ARHGEF28: variants seen among roughly 807,000 people sequenced by gnomAD.
ARHGEF28 encodes the protein 190 kDa guanine nucleotide exchange factor.
A neutral mutation model predicts 206.6 loss-of-function variants in ARHGEF28; 152 were observed. That is an observed-to-expected ratio of 0.74 (90% CI 0.64 to 0.84). The LOEUF is 0.84. ARHGEF28 is among the 40% of genes least tolerant of loss of function. The probability of loss-of-function intolerance (pLI) is 0.00; values close to 1 mark genes in which losing one functional copy is unlikely to be tolerated. For missense variants in ARHGEF28, 2,028 were observed against 2,073.2 expected (o/e 0.98, Z 0.42); for synonymous variants, 763 against 776.4 (o/e 0.98, Z 0.29).
intron 10 of ARHGEF28, among the ~76,000 whole-genome samples, chr5:73,833,355 C>CT (rs33977905): frequency 6.6e-6 from 1 of 150,834 alleles, no homozygotes; most frequent in Non-Finnish European, 1.5e-5. Context: ...GTGATCTAAA[C>CT]TTTTTTTTTT....
Position 73,749,984 on chromosome 5 carries a change from GGT to G in ARHGEF28, c.181+2_181+3del. On this transcript the variant is annotated splice_donor_variant, in intron 3 of 35. Coordinates refer to ENST00000513042, the MANE Select transcript of ARHGEF28 (RefSeq NM_001177693.2). LOFTEE classifies it high-confidence loss of function. Reference sequence around the variant, plus strand: ...TAACGTTCTCCAGTCCAGCGTCCCAGGTGAGGTGTCCTCTTTGTTGTGCAGCT... The same window carrying G: ...TAACGTTCTCCAGTCCAGCGTCCCAGGAGGTGTCCTCTTTGTTGTGCAGCT... The G allele has an allele frequency of 6.2e-7, 1 of 1,613,714 alleles. No homozygotes were observed. The highest frequency in any genetic ancestry group is 8.5e-7 in the Non-Finnish European group (1 of 1,179,808).
intron 4 of ARHGEF28, among the ~76,000 whole-genome samples, chr5:73,763,988 G>GT (rs11345831): frequency 1.3e-5 from 2 of 152,170 alleles, no homozygotes; most frequent in African/African-American, 2.4e-5. Context: ...GTTTATTGTA[G>GT]TTTTTTTGTA....
chr5:73,678,693 C>T (rs1266990592), intron 1 of ARHGEF28, among the ~76,000 whole-genome samples: 1 of 151,740 alleles, frequency 6.6e-6, no homozygotes, highest in African/African-American at 2.4e-5. Context: ...CCTAATTCTA[C>T]AAAGCCTGAA....
chr5:73,641,483 A>G (rs927508588), intron 1 of ARHGEF28, among the ~76,000 whole-genome samples: 1 of 151,090 alleles, frequency 6.6e-6, no homozygotes, highest in Non-Finnish European at 1.5e-5. Context: ...TAAAAAAATT[A>G]GTTGCTTCTC....
chr5:73,920,154 G>A (rs181467848), intron 35 of ARHGEF28, among the ~76,000 whole-genome samples: 2 of 152,310 alleles, frequency 1.3e-5, no homozygotes, highest in East Asian at 3.9e-4. Flanking sequence ...TGTGATGGTG[G>A]TTATCACAGG....
intron 1 of ARHGEF28, among the ~76,000 whole-genome samples, chr5:73,651,157 G>A (rs892147882): frequency 6.6e-6 from 1 of 152,200 alleles, no homozygotes; most frequent in Non-Finnish European, 1.5e-5. Context: ...GGGTTTGGTT[G>A]AGCCTAAGAA....
At chr5:73,872,295 C>T (rs974746591) in intron 21 of ARHGEF28, among the ~76,000 whole-genome samples, 2 of 151,992 alleles carry the variant, frequency 1.3e-5, no homozygotes, top group Non-Finnish European at 2.9e-5. Flanking sequence ...TTTGGAGAAA[C>T]ATCTGTTCAA....
intron 11 of ARHGEF28, among the ~76,000 whole-genome samples, chr5:73,841,206 A>G (rs1757966746): frequency 6.6e-6 from 1 of 152,222 alleles, no homozygotes; most frequent in African/African-American, 2.4e-5. Context: ...TGTGGAATAA[A>G]TAACTTATAT....
At chr5:73,881,846 G>T (rs1760972123) in intron 22 of ARHGEF28, among the ~76,000 whole-genome samples, 1 of 152,166 alleles carries the variant, frequency 6.6e-6, no homozygotes, top group Non-Finnish European at 1.5e-5. Context: ...GAAACATCCA[G>T]CCCACATCTC....
chr5:73,723,194 T>A (rs1750062813), intron 2 of ARHGEF28, among the ~76,000 whole-genome samples: 1 of 152,210 alleles, frequency 6.6e-6, no homozygotes, highest in African/African-American at 2.4e-5. Context: ...GAAAAGAATT[T>A]TTTTTTTTCC....
At chr5:73,721,632 G>T (rs1040471584) in intron 2 of ARHGEF28, among the ~76,000 whole-genome samples, 1 of 151,976 alleles carries the variant, frequency 6.6e-6, no homozygotes, top group Non-Finnish European at 1.5e-5. Flanking sequence ...GAGTGCAGTG[G>T]TGTGATCATA....
chr5:73,864,291 G>A (rs549067369), intron 16 of ARHGEF28, among the ~76,000 whole-genome samples: 1 of 152,192 alleles, frequency 6.6e-6, no homozygotes, highest in African/African-American at 2.4e-5. Context: ...AAAACAATGG[G>A]CACAGGGCTA....
At chr5:73,666,303 T>C (rs1216085433) in intron 1 of ARHGEF28, among the ~76,000 whole-genome samples, 1 of 152,144 alleles carries the variant, frequency 6.6e-6, no homozygotes, top group Non-Finnish European at 1.5e-5. Flanking sequence ...CTGCCCTATA[T>C]CTTTGTTGGG....
Position 73,886,117 on chromosome 5 carries a change from T to C in ARHGEF28, c.3310+13T>C, listed in dbSNP as rs1761275690. On this transcript the variant is annotated intron_variant, in intron 25 of 35. Transcript: ENST00000513042. ...GGTCGTTTCAAAGGTACTGTGGCTC[T>C]ACCAGACCAATTTCTCCCTTCATAC... The C allele has an allele frequency of 5.6e-6, 9 of 1,594,802 alleles. No homozygotes were observed. Among genetic ancestry groups the C allele is most frequent in the South Asian group, 1.1e-5 (1 of 87,406 alleles).
chr5:73,825,344 G>A (rs1579944995), intron 9 of ARHGEF28, among the ~76,000 whole-genome samples: 1 of 152,212 alleles, frequency 6.6e-6, no homozygotes, highest in African/African-American at 2.4e-5. Flanking sequence ...ATATCCAGGG[G>A]AAGAGCCCTG....
intron 1 of ARHGEF28, among the ~76,000 whole-genome samples, chr5:73,651,260 T>G (rs1376154930): frequency 6.6e-6 from 1 of 152,200 alleles, no homozygotes; most frequent in African/African-American, 2.4e-5. Flanking sequence ...CGACTGTGTT[T>G]TAGCTGGTGA....
At chr5:73,922,258 GC>G (rs1430497859) in intron 35 of ARHGEF28, among the ~76,000 whole-genome samples, 1 of 152,204 alleles carries the variant, frequency 6.6e-6, no homozygotes, top group African/African-American at 2.4e-5. Flanking sequence ...ACCAAGAGAA[GC>G]CCATGGCTTT....
At chr5:73,642,951 T>C (rs1172827318) in intron 1 of ARHGEF28, among the ~76,000 whole-genome samples, 1 of 152,250 alleles carries the variant, frequency 6.6e-6, no homozygotes, top group Non-Finnish European at 1.5e-5. Flanking sequence ...ACTTATCCTT[T>C]AATACATGTT....
intron 1 of ARHGEF28, among the ~76,000 whole-genome samples, chr5:73,628,516 T>A (rs542695297): frequency 6.6e-6 from 1 of 152,320 alleles, no homozygotes; most frequent in African/African-American, 2.4e-5. Context: ...TAATCAGATA[T>A]GACAGATCTG....
Sources: gnomAD v4.1 joint callset for allele counts (sites outside exome capture counted in the v4.1 genomes callset) on GRCh38, gnomAD v4.1.1 for gene constraint, MANE v1.5 for transcripts, NCBI Gene and HGNC (gene_info 2026-07-23, HGNC 2026-07-21) for gene names.